The following GRIA1 variants were observed in gnomAD, a reference collection of about 807,000 sequenced individuals.
GRIA1 encodes the protein glutamate receptor 1.
A neutral mutation model predicts 99.2 loss-of-function variants in GRIA1; 31 were observed. That is an observed-to-expected ratio of 0.31 (90% CI 0.23 to 0.42). The LOEUF is 0.42. GRIA1 is among the 10% of genes least tolerant of loss of function. The pLI is 1.00. For synonymous variants in GRIA1, 438 were observed against 432.4 expected (o/e 1.01, Z -0.16); for missense variants, 782 against 1,157.5 (o/e 0.68, Z 4.71).
At chr5:153,600,048 G>A (rs893246487) in intron 2 of GRIA1, among the ~76,000 whole-genome samples, 3 of 152,108 alleles carry the variant, frequency 2.0e-5, no homozygotes, top group African/African-American at 7.2e-5. Context: ...AATAGCGCCG[G>A]TCGTCAGAGA....
At chr5:153,650,672 T>G (rs1224407915) in intron 4 of GRIA1, among the ~76,000 whole-genome samples, 158 bp downstream of exon 4, 1 of 151,734 alleles carries the variant, frequency 6.6e-6, no homozygotes, top group Non-Finnish European at 1.5e-5. Flanking sequence ...TTCACAAAAT[T>G]TAATTCTGAA....
chr5:153,736,213 G>T (rs192433507), intron 11 of GRIA1, among the ~76,000 whole-genome samples: 24 of 152,296 alleles, frequency 1.6e-4, no homozygotes, highest in Middle Eastern at 3.4e-3. Flanking sequence ...TAGAAACCAA[G>T]TTAAAGGAGT....
At chr5:153,571,483 T>A (rs1228349600) in intron 2 of GRIA1, among the ~76,000 whole-genome samples, 1 of 152,138 alleles carries the variant, frequency 6.6e-6, no homozygotes, top group East Asian at 1.9e-4. Flanking sequence ...GGCCCTGAAA[T>A]TTGAATTTCA....
At chr5:153,704,174 A>G (rs1199038501) in intron 10 of GRIA1, among the ~76,000 whole-genome samples, 1 of 152,246 alleles carries the variant, frequency 6.6e-6, no homozygotes, top group African/African-American at 2.4e-5. Context: ...AATGAAAGTA[A>G]CCAGAGGAAA....
intron 8 of GRIA1, among the ~76,000 whole-genome samples, chr5:153,689,049 G>T (rs1285131870): frequency 6.6e-6 from 1 of 150,788 alleles, no homozygotes; most frequent in Non-Finnish European, 1.5e-5. Context: ...TCTTTTTTGA[G>T]GCAGGGTCTC....
intron 11 of GRIA1, among the ~76,000 whole-genome samples, chr5:153,713,388 T>C (rs184917907): frequency 1.3e-5 from 2 of 152,352 alleles, no homozygotes; most frequent in East Asian, 1.9e-4. Flanking sequence ...AGGTGTGAAG[T>C]GTGCATGGAC....
chr5:153,736,463 C>A (rs969865958), intron 11 of GRIA1, among the ~76,000 whole-genome samples: 1 of 152,080 alleles, frequency 6.6e-6, no homozygotes, highest in Non-Finnish European at 1.5e-5. Flanking sequence ...AGGCAAGAGC[C>A]TTTTGCTTAT....
At chr5:153,666,365 T>G (rs1192012714) in intron 5 of GRIA1, among the ~76,000 whole-genome samples, 1 of 152,052 alleles carries the variant, frequency 6.6e-6, no homozygotes, top group African/African-American at 2.4e-5. Flanking sequence ...CCTAGAGAGA[T>G]AGGAATAAAG....
In GRIA1 at chr5:153,734,163, G is replaced by A. The variant is rs531827483; in HGVS notation, c.1823+28096G>A. ...TCACAATAGCAGTTAAGTTACTTATGTTGTTATTCACCAACCCTTGCTTTC... is the reference window on the plus strand; with the variant it reads ...TCACAATAGCAGTTAAGTTACTTATATTGTTATTCACCAACCCTTGCTTTC... On this transcript the variant is annotated intron_variant, in intron 11 of 15. Transcript: ENST00000285900. 5.3e-5 allele frequency among the ~76,000 whole-genome samples: 8 copies of A among 152,242 alleles called. No homozygotes were observed. In the East Asian group the frequency reaches 1.5e-3, roughly 29 times the overall value.
intron 5 of GRIA1, among the ~76,000 whole-genome samples, chr5:153,661,359 T>C (rs1030318938): frequency 2.0e-5 from 3 of 152,224 alleles, no homozygotes; most frequent in Admixed American, 6.5e-5. Context: ...TGAGTTTTTG[T>C]TGCCTTATCT....
chr5:153,698,715 G>A, intron 9 of GRIA1, 152 bp from the exon 10 acceptor site: 2 of 618,546 alleles, frequency 3.2e-6, no homozygotes, highest in South Asian at 3.8e-5. Context: ...CTTGTAATGG[G>A]GTAGGGAGTG....
intron 10 of GRIA1, among the ~76,000 whole-genome samples, chr5:153,703,837 C>A (rs1309177691): frequency 6.6e-6 from 1 of 152,162 alleles, no homozygotes; most frequent in Non-Finnish European, 1.5e-5. Flanking sequence ...TATCATTTAC[C>A]CCTTTCAGAG....
chr5:153,810,946 T>C (rs1235535549), intron 15 of GRIA1, 79 bp from the exon 16 acceptor site: 5 of 983,476 alleles, frequency 5.1e-6, no homozygotes, highest in Non-Finnish European at 8.2e-6. Context: ...GGATTTACAT[T>C]TGAAGTCCAG....
chr5:153,596,636 G>A (rs1236639938), intron 2 of GRIA1, among the ~76,000 whole-genome samples: 1 of 152,238 alleles, frequency 6.6e-6, no homozygotes, highest in Non-Finnish European at 1.5e-5. Flanking sequence ...CTGTTCTGAC[G>A]CTGGAAAAGC....
intron 11 of GRIA1, among the ~76,000 whole-genome samples, chr5:153,753,699 G>GA (rs570394934): frequency 0.15 from 21,723 of 145,228 alleles, 1,646 homozygotes; most frequent in Middle Eastern, 0.17. Context: ...AATTCTGCAG[G>GA]AAAAAAAAAA....
At chr5:153,725,450 G>A (rs1270288056) in intron 11 of GRIA1, among the ~76,000 whole-genome samples, 5 of 130,020 alleles carry the variant, frequency 3.8e-5, no homozygotes, top group African/African-American at 1.2e-4. Context: ...GACACAGAGC[G>A]GCAAATTGGA....
At chr5:153,496,386 A>G (rs1351857595) in intron 2 of GRIA1, among the ~76,000 whole-genome samples, 4 of 152,226 alleles carry the variant, frequency 2.6e-5, no homozygotes, top group African/African-American at 9.6e-5. Flanking sequence ...TCAAAGCTAT[A>G]AACTGAAATA....
intron 11 of GRIA1, among the ~76,000 whole-genome samples, chr5:153,737,499 T>A (rs1023695974): frequency 3.3e-5 from 5 of 152,080 alleles, no homozygotes; most frequent in Non-Finnish European, 7.4e-5. Flanking sequence ...GATTTGCCAG[T>A]CAGGATTTGC....
chr5:153,723,960 C>A lies in GRIA1; in HGVS notation c.1823+17893C>A, dbSNP rs182476622. Among the ~76,000 whole-genome samples, 1,278 of 152,338 alleles carry A rather than the reference C, an allele frequency of 8.4e-3. 7 individuals are homozygous for A. The highest frequency in any genetic ancestry group is 0.014 in the Middle Eastern group (4 of 294). ...TGCCTCCTCAAGTGAGTCCCTAACC[C>A]CTGACCCCCAAGCAGCCTAACTGGG... is the stretch of plus-strand genomic sequence containing the variant. On this transcript the variant is annotated intron_variant, in intron 11 of 15. Transcript: ENST00000285900.
Sources: allele counts gnomAD v4.1 joint callset (sites outside exome capture counted in the v4.1 genomes callset), GRCh38; gene constraint gnomAD v4.1.1; transcripts MANE v1.5; gene names NCBI Gene and HGNC (gene_info 2026-07-23, HGNC 2026-07-21).